Variants in ERBB4 observed in about 807,000 individuals in gnomAD.
ERBB4 encodes the protein erb-b2 receptor tyrosine kinase 4.
In ERBB4, 42 loss-of-function variants were observed where a neutral mutation model predicts 158.0. That is an observed-to-expected ratio of 0.27 (90% confidence interval 0.21 to 0.34). The LOEUF (loss-of-function observed/expected upper bound fraction) is 0.34. Ranked by LOEUF, ERBB4 falls within the 10% of genes least tolerant of loss-of-function variation. The pLI, the probability that ERBB4 is intolerant of heterozygous loss-of-function variation, is 1.00. For missense variants in ERBB4, 1,333 were observed against 1,624.1 expected, an observed-to-expected ratio of 0.82 and a Z score of 3.08; for synonymous variants, 583 against 558.7, an observed-to-expected ratio of 1.04 and a Z score of -0.61.
At chr2:212,119,919 A>G (rs1323207713) in intron 2 of ERBB4, among the ~76,000 whole-genome samples, 1 of 152,184 alleles carries the variant, frequency 6.6e-6, no homozygotes, top group Non-Finnish European at 1.5e-5. Flanking sequence ...TCAATTGCAA[A>G]GGCTCACTTT....
chr2:211,784,542 T>A (rs567502316), intron 4 of ERBB4, among the ~76,000 whole-genome samples: 1 of 152,348 alleles, frequency 6.6e-6, no homozygotes, highest in Admixed American at 6.5e-5. Context: ...TCAGTTATTA[T>A]GAATAATGCT....
chr2:211,753,242 CAG>C (rs1385439470), intron 4 of ERBB4, among the ~76,000 whole-genome samples: 1 of 150,448 alleles, frequency 6.6e-6, no homozygotes, highest in African/African-American at 2.4e-5. Flanking sequence ...TTGGGAAGTA[CAG>C]AGAGAGTTCC....
chr2:212,382,497 G>A (rs1487325392), intron 1 of ERBB4, among the ~76,000 whole-genome samples: 1 of 150,490 alleles, frequency 6.6e-6, no homozygotes, highest in African/African-American at 2.4e-5. Flanking sequence ...CCTACTATAA[G>A]TTCAGGTTGT....
At chr2:212,335,633 C>T (rs1227268093) in intron 1 of ERBB4, among the ~76,000 whole-genome samples, 1 of 151,994 alleles carries the variant, frequency 6.6e-6, no homozygotes, top group Admixed American at 6.6e-5. Flanking sequence ...TTTTACTTAA[C>T]ATTTCGTAGG....
intron 1 of ERBB4, among the ~76,000 whole-genome samples, chr2:212,394,827 G>A (rs1157987005): frequency 1.3e-5 from 2 of 152,184 alleles, no homozygotes; most frequent in East Asian, 1.9e-4. Flanking sequence ...AGGAAATGAC[G>A]CTGCATTTGG....
intron 1 of ERBB4, among the ~76,000 whole-genome samples, chr2:212,275,012 A>G (rs997906431): frequency 1.6e-4 from 24 of 151,900 alleles, no homozygotes; most frequent in African/African-American, 5.3e-4. Flanking sequence ...TAAGAGTGAG[A>G]ACATGCAGTG....
In ERBB4 at chr2:211,925,680, G is replaced by GT. The variant is rs576502343; in HGVS notation, c.421+21749dup. On this transcript the variant is annotated intron_variant, in intron 3 of 27. Coordinates refer to ENST00000342788, the MANE Select transcript of ERBB4 (RefSeq NM_005235.3). ...TAGGCATGAGCCACCACGCCCAGCT[G>GT]TAAGACTGCTTTTTAAAACTACGGA... Among the ~76,000 whole-genome samples the GT allele has an allele frequency of 1.3e-3, 200 of 152,110 alleles. 1 individual carries two copies. Among genetic ancestry groups the GT allele is most frequent in the Middle Eastern group, 3.4e-3 (1 of 294 alleles).
chr2:212,202,066 C>G (rs1365078450), intron 1 of ERBB4, among the ~76,000 whole-genome samples: 2 of 152,074 alleles, frequency 1.3e-5, no homozygotes, highest in Non-Finnish European at 1.5e-5. Flanking sequence ...TAAATGAATA[C>G]CAATTCGGTT....
At chr2:212,096,425 CATATGTT>C in intron 2 of ERBB4, among the ~76,000 whole-genome samples, 1 of 152,126 alleles carries the variant, frequency 6.6e-6, no homozygotes, top group Non-Finnish European at 1.5e-5. Context: ...TAACATATCT[CATATGTT>C]ATATATTAGG....
At chr2:211,776,864 A>G (rs1044632531) in intron 4 of ERBB4, among the ~76,000 whole-genome samples, 4 of 152,112 alleles carry the variant, frequency 2.6e-5, no homozygotes, top group African/African-American at 9.7e-5. Context: ...TAGTTACTCT[A>G]TTTATTATAC....
At chr2:211,422,690 A>T (rs760872719) in intron 23 of ERBB4, among the ~76,000 whole-genome samples, 11 of 152,022 alleles carry the variant, frequency 7.2e-5, no homozygotes, top group Non-Finnish European at 1.2e-4. Flanking sequence ...TGACAAGAAT[A>T]AAAGTATCAA....
intron 3 of ERBB4, among the ~76,000 whole-genome samples, chr2:211,929,583 A>G (rs2080116871): frequency 6.6e-6 from 1 of 152,134 alleles, no homozygotes; most frequent in Non-Finnish European, 1.5e-5. Flanking sequence ...ATATAAACAC[A>G]TATGGATTAC....
At chr2:211,513,806 G>A (rs893794114) in intron 20 of ERBB4, among the ~76,000 whole-genome samples, 8 of 151,850 alleles carry the variant, frequency 5.3e-5, no homozygotes, top group African/African-American at 1.9e-4. Context: ...CAAGTGATGA[G>A]GATAATAGCT....
intron 16 of ERBB4, among the ~76,000 whole-genome samples, chr2:211,656,765 T>C (rs926452177): frequency 6.6e-6 from 1 of 152,218 alleles, no homozygotes; most frequent in African/African-American, 2.4e-5. Context: ...CTTGGTGTAA[T>C]ATATTTGAGA....
At chr2:212,469,706 C>A (rs1689018190) in intron 1 of ERBB4, among the ~76,000 whole-genome samples, 1 of 151,966 alleles carries the variant, frequency 6.6e-6, no homozygotes, top group South Asian at 2.1e-4. Context: ...AATTTGAGAC[C>A]AAACAGTATA....
At chr2:212,093,327 T>A (rs2078834168) in intron 2 of ERBB4, among the ~76,000 whole-genome samples, 1 of 152,208 alleles carries the variant, frequency 6.6e-6, no homozygotes, top group Non-Finnish European at 1.5e-5. Context: ...ATAATATTAC[T>A]ATCATTTCTA....
chr2:211,939,969 AT>A (rs1408248215), intron 3 of ERBB4, among the ~76,000 whole-genome samples: 228 of 119,080 alleles, frequency 1.9e-3, no homozygotes, highest in African/African-American at 5.5e-3. Context: ...AAAAAAAAAT[AT>A]ATATATATAT....
chr2:212,162,363 G>A (rs1439203382), intron 1 of ERBB4, among the ~76,000 whole-genome samples: 2 of 151,700 alleles, frequency 1.3e-5, no homozygotes, highest in African/African-American at 2.4e-5. Context: ...TCTAGAACAG[G>A]CAAAATTAAT....
intron 16 of ERBB4, among the ~76,000 whole-genome samples, chr2:211,639,988 G>A (rs1210049979): frequency 6.6e-6 from 1 of 152,114 alleles, no homozygotes; most frequent in Non-Finnish European, 1.5e-5. Flanking sequence ...CTTCCAAAGT[G>A]CTGGGATTAT....
Sources: gnomAD v4.1 joint callset for allele counts (sites outside exome capture counted in the v4.1 genomes callset) on GRCh38, gnomAD v4.1.1 for gene constraint, MANE v1.5 for transcripts, NCBI Gene and HGNC (gene_info 2026-07-23, HGNC 2026-07-21) for gene names.